PIN4: variants seen among roughly 807,000 people sequenced by gnomAD.
PIN4 encodes the protein peptidyl-prolyl cis-trans isomerase NIMA-interacting 4.
Under a neutral mutation model 8.3 loss-of-function variants are expected in PIN4, and 3 were observed. That is an observed-to-expected ratio of 0.36 (90% CI 0.16 to 0.93). The LOEUF (loss-of-function observed/expected upper bound fraction) is 0.93, where lower values mean the gene tolerates loss of function less well. PIN4 is among the 40% of genes least tolerant of loss of function. The pLI is 0.44. For synonymous variants in PIN4, 18 were observed against 32.5 expected, an observed-to-expected ratio of 0.55 and a Z score of 1.52; for missense variants, 75 against 100.6, an observed-to-expected ratio of 0.75 and a Z score of 1.09.
intron 2 of PIN4, among the ~76,000 whole-genome samples, chrX:72,191,354 C>G (rs1254446544): frequency 1.8e-5 from 2 of 110,382 alleles, no homozygotes; most frequent in African/African-American, 6.6e-5. Context: ...AATTCGAGAC[C>G]AGCCTGGCCA....
intron 2 of PIN4, among the ~76,000 whole-genome samples, chrX:72,188,143 C>T (rs775064575): frequency 8.9e-6 from 1 of 111,993 alleles, no homozygotes. Flanking sequence ...AACATAGCCC[C>T]TAAATACAAC....
chrX:72,223,320 A>G (rs1399919749), intron 3 of PIN4, among the ~76,000 whole-genome samples: 4 of 98,061 alleles, frequency 4.1e-5, no homozygotes, highest in African/African-American at 1.5e-4. Flanking sequence ...AGCCTGGGCA[A>G]AAAGAGTGAA....
intron 2 of PIN4, 89 bp from the exon 3 acceptor site, chrX:72,196,696 A>T: frequency 1.3e-6 from 1 of 776,457 alleles, no homozygotes; most frequent in Non-Finnish European, 1.8e-6. Context: ...TTTTTTTTTA[A>T]CTGGTGGGGG....
intron 3 of PIN4, among the ~76,000 whole-genome samples, chrX:72,253,765 T>G (rs1602461792): frequency 9.3e-6 from 1 of 107,088 alleles, no homozygotes; most frequent in Non-Finnish European, 1.9e-5. Context: ...TGAGACACCA[T>G]CTCTACAAAA....
chrX:72,193,626 T>A (rs1345098431), intron 2 of PIN4, among the ~76,000 whole-genome samples: 1 of 111,696 alleles, frequency 9.0e-6, no homozygotes, highest in African/African-American at 3.3e-5. Context: ...TCCCAACATT[T>A]TTGGGAGGTT....
intron 3 of PIN4, among the ~76,000 whole-genome samples, chrX:72,260,747 G>A (rs2043135125): frequency 8.9e-6 from 1 of 111,840 alleles, no homozygotes; most frequent in African/African-American, 3.3e-5. Context: ...GCTTAAGCCA[G>A]AATTCAGGCA....
At chrX:72,204,872 G>C (rs768474149) in intron 3 of PIN4, 63 of 417,935 alleles carry the variant, frequency 1.5e-4, no homozygotes, top group African/African-American at 1.4e-3. Flanking sequence ...TGGAGTGGGG[G>C]GCGTTGCAGG....
At chrX:72,227,700 G>T (rs2042961428) in intron 3 of PIN4, among the ~76,000 whole-genome samples, 1 of 111,261 alleles carries the variant, frequency 9.0e-6, no homozygotes, top group East Asian at 2.8e-4. Context: ...TCTCATAAAA[G>T]ATCCCAGTCC....
chrX:72,186,451 T>G lies in PIN4; in HGVS notation c.44-10T>G, dbSNP rs6525591. 987 of 1,164,634 alleles carry G rather than the reference T, an allele frequency of 8.5e-4. 3 individuals carry two copies. In the African/African-American group the frequency reaches 0.015, roughly 18 times the overall value. ...AGTTTAAATGAGTACCTGTCATCTC[T>G]TCTCTAAAGGGGGAGCAGCCTCTGG... On this transcript the variant is annotated splice_polypyrimidine_tract_variant and intron_variant, in intron 1 of 3. Transcript: ENST00000373669.
chrX:72,234,607 A>G (rs750881876), intron 3 of PIN4, among the ~76,000 whole-genome samples: 2 of 111,380 alleles, frequency 1.8e-5, no homozygotes, highest in East Asian at 5.6e-4. Flanking sequence ...TTTAACAATG[A>G]AAGAATTGGT....
intron 3 of PIN4, among the ~76,000 whole-genome samples, chrX:72,216,532 A>G (rs961678785): frequency 8.9e-6 from 1 of 111,995 alleles, no homozygotes; most frequent in African/African-American, 3.2e-5. Context: ...CCTTCTCATG[A>G]TACCAAACAG....
At chrX:72,186,371 G>T in intron 1 of PIN4, 90 bp from the exon 2 acceptor site, 1 of 627,569 alleles carries the variant, frequency 1.6e-6, no homozygotes, top group South Asian at 2.4e-5. Context: ...GTGGCGTTAT[G>T]ATGGAAATAT....
At chrX:72,250,337 C>T (rs941169531) in intron 3 of PIN4, among the ~76,000 whole-genome samples, 3 of 110,336 alleles carry the variant, frequency 2.7e-5, no homozygotes, top group Non-Finnish European at 5.7e-5. Flanking sequence ...TGGTACGTGC[C>T]TATAGTCCCA....
At chrX:72,181,887 C>A in intron 1 of PIN4, 59 bp downstream of exon 1, 1 of 699,161 alleles carries the variant, frequency 1.4e-6, no homozygotes, top group Non-Finnish European at 2.3e-6. Flanking sequence ...AGGGAGGGAA[C>A]AGACAGTCCA....
chrX:72,216,750 T>C (rs906354699), intron 3 of PIN4, among the ~76,000 whole-genome samples: 3 of 110,585 alleles, frequency 2.7e-5, no homozygotes, highest in South Asian at 4.0e-4. Context: ...TCTATACCCA[T>C]TGTAAAAACC....
At chrX:72,262,485 C>T (rs2043143669) in intron 3 of PIN4, among the ~76,000 whole-genome samples, 1 of 111,806 alleles carries the variant, frequency 8.9e-6, no homozygotes, top group African/African-American at 3.3e-5. Flanking sequence ...CAAATAAGCC[C>T]AATTTTTCAG....
intron 3 of PIN4, chrX:72,205,462 A>G (rs747924522): frequency 5.8e-6 from 7 of 1,211,869 alleles, no homozygotes; most frequent in Admixed American, 2.2e-5. Context: ...GTCTAAAACC[A>G]TATTAATAAG....
intron 3 of PIN4, among the ~76,000 whole-genome samples, chrX:72,236,358 G>A (rs1055879154): frequency 1.6e-4 from 18 of 111,292 alleles, no homozygotes; most frequent in African/African-American, 5.6e-4. Flanking sequence ...GAGTGCAGTG[G>A]CGCCATCTCA....
chrX:72,233,282 T>C (rs2042996060), intron 3 of PIN4, among the ~76,000 whole-genome samples: 1 of 111,832 alleles, frequency 8.9e-6, no homozygotes. Flanking sequence ...AACAAACTAA[T>C]GACACTACAA....
Sources: allele counts gnomAD v4.1 joint callset (sites outside exome capture counted in the v4.1 genomes callset), GRCh38; gene constraint gnomAD v4.1.1; transcripts MANE v1.5; gene names NCBI Gene and HGNC (gene_info 2026-07-23, HGNC 2026-07-21).